CCDC30: variants seen among roughly 807,000 people sequenced by gnomAD.
CCDC30 encodes coiled-coil domain containing 30, also known as coiled-coil domain-containing protein 30.
CCDC30 carries 70 observed loss-of-function variants against 100.2 expected under a neutral mutation model. The observed-to-expected ratio is 0.70, with a 90% CI of 0.58 to 0.85. The LOEUF (loss-of-function observed/expected upper bound fraction) is 0.85. Among genes scored for constraint, CCDC30 ranks in the 40% least tolerant of loss-of-function variants. The pLI is 0.00. For synonymous variants in CCDC30, 233 were observed against 269.5 expected (o/e 0.86, Z 1.33); for missense variants, 652 against 771.2 (o/e 0.85, Z 1.83).
At chr1:42,589,534 C>A in intron 10 of CCDC30, 51 bp downstream of exon 14, 1 of 1,491,078 alleles carries the variant, frequency 6.7e-7, no homozygotes, top group Non-Finnish European at 9.3e-7. Flanking sequence ...CCATTAGTAA[C>A]AGCTAATTAT....
chr1:42,638,616 G>T (rs938092657), intron 12 of CCDC30, among the ~76,000 whole-genome samples: 2 of 151,406 alleles, frequency 1.3e-5, no homozygotes, highest in African/African-American at 2.4e-5. Flanking sequence ...GCTTGCGCCT[G>T]TAATCCCAGC....
At chr1:42,619,766 A>G (rs551946103) in intron 11 of CCDC30, among the ~76,000 whole-genome samples, 1 of 152,182 alleles carries the variant, frequency 6.6e-6, no homozygotes, top group African/African-American at 2.4e-5. Flanking sequence ...AGCCTGGCTG[A>G]ATTTATTCTC....
intron 11 of CCDC30, among the ~76,000 whole-genome samples, chr1:42,636,965 CAAAAAAAA>C (rs1166253995): frequency 3.1e-4 from 9 of 29,508 alleles, no homozygotes; most frequent in South Asian, 5.8e-3. Context: ...GACTCCATCT[CAAAAAAAA>C]AAAAAAAAAA....
At chr1:42,597,491 G>T (rs970134288) in intron 10 of CCDC30, among the ~76,000 whole-genome samples, 1 of 152,164 alleles carries the variant, frequency 6.6e-6, no homozygotes, top group African/African-American at 2.4e-5. Context: ...AACCATGAAA[G>T]CAAGAGAAGA....
At chr1:42,478,974 G>T (rs1388290365) in intron 1 of CCDC30, among the ~76,000 whole-genome samples, 5 of 152,124 alleles carry the variant, frequency 3.3e-5, no homozygotes, top group African/African-American at 1.2e-4. Flanking sequence ...TAAAGTTGAT[G>T]TGGACATGCA....
At chr1:42,607,517 G>C (rs896234961) in intron 10 of CCDC30, among the ~76,000 whole-genome samples, 1 of 147,342 alleles carries the variant, frequency 6.8e-6, no homozygotes, top group African/African-American at 2.5e-5. Context: ...CCAGGAGTTC[G>C]AGATCAGCCT....
Position 42,505,102 on chromosome 1 carries a change from G to A in CCDC30, c.456+6186G>A, listed in dbSNP as rs372970175. Among the ~76,000 whole-genome samples, 29 of 152,292 alleles carry A rather than the reference G, an allele frequency of 1.9e-4. No individual in the cohort carries two copies. The East Asian group carries it at 3.7e-3, about 19-fold the overall frequency. On this transcript the variant is annotated intron_variant, in intron 6 of 16. Transcript: ENST00000668663. ...CCACAAATAGTAGAGTGTGTGTAGC[G>A]ATTCCCACAAGGGTGGTGTAGTAGA...
chr1:42,544,982 T>C (rs1645093241), intron 6 of CCDC30, among the ~76,000 whole-genome samples: 1 of 151,862 alleles, frequency 6.6e-6, no homozygotes, highest in Admixed American at 6.6e-5. Context: ...AGCAATATAT[T>C]TTTGTTTTTA....
At chr1:42,528,852 C>T (rs1358687122) in intron 6 of CCDC30, among the ~76,000 whole-genome samples, 1 of 152,154 alleles carries the variant, frequency 6.6e-6, no homozygotes, top group Non-Finnish European at 1.5e-5. Flanking sequence ...CAAATGTTAT[C>T]TGTGACATTC....
At chr1:42,602,987 T>C (rs1031708334) in intron 10 of CCDC30, among the ~76,000 whole-genome samples, 12 of 152,376 alleles carry the variant, frequency 7.9e-5, no homozygotes, top group African/African-American at 2.6e-4. Flanking sequence ...AAATAAATTA[T>C]GTAACTCATC....
intron 6 of CCDC30, among the ~76,000 whole-genome samples, chr1:42,543,847 T>C (rs976788160): frequency 2.0e-5 from 3 of 152,210 alleles, no homozygotes; most frequent in Non-Finnish European, 4.4e-5. Flanking sequence ...CTTCAGAGAA[T>C]TGAAAAGGCA....
In CCDC30 at chr1:42,531,154, C is replaced by T. The variant is rs142109861; in HGVS notation, c.456+32238C>T. Among the ~76,000 whole-genome samples the T allele has an allele frequency of 5.3e-3, 798 of 151,992 alleles. 8 individuals carry two copies. The highest frequency in any genetic ancestry group is 0.018 in the African/African-American group (764 of 41,462). ...GTAATAGTGAGTGAGTGAGTTCTCA[C>T]GAGATCTGGTTGTTTAAAAGTGTGT... On this transcript the variant is annotated intron_variant, in intron 6 of 16. Coordinates refer to ENST00000668663, the Ensembl canonical transcript of CCDC30.
At chr1:42,457,353 G>A in the CCDC30 span, 29 of 1,611,302 alleles carry the variant, frequency 1.8e-5, 1 homozygote, top group South Asian at 3.2e-4. Context: ...CACTGCAGGT[G>A]ATGGGCGCTT....
At chr1:42,542,451 C>T (rs1297366377) in intron 6 of CCDC30, among the ~76,000 whole-genome samples, 1 of 152,034 alleles carries the variant, frequency 6.6e-6, no homozygotes, top group Non-Finnish European at 1.5e-5. Context: ...CCTCCCCCTC[C>T]TGGCCTCAGG....
chr1:42,546,911 T>C (rs1227525078), intron 6 of CCDC30, among the ~76,000 whole-genome samples: 1 of 152,208 alleles, frequency 6.6e-6, no homozygotes, highest in Non-Finnish European at 1.5e-5. Flanking sequence ...GAAACAATGA[T>C]GTCAATTTTG....
intron 6 of CCDC30, among the ~76,000 whole-genome samples, chr1:42,501,388 C>A (rs1208284525): frequency 6.6e-6 from 1 of 152,318 alleles, no homozygotes; most frequent in South Asian, 2.1e-4. Context: ...ATTCTTAGAA[C>A]AATTCCATTC....
intron 6 of CCDC30, among the ~76,000 whole-genome samples, chr1:42,502,458 C>T (rs948929428): frequency 3.9e-5 from 6 of 152,202 alleles, no homozygotes; most frequent in South Asian, 2.1e-4. Context: ...TGCTTCGGCT[C>T]GTGCTCCGTG....
At chr1:42,466,080 T>C (rs1452679363) in intron 1 of CCDC30, among the ~76,000 whole-genome samples, 1 of 152,266 alleles carries the variant, frequency 6.6e-6, no homozygotes, top group East Asian at 1.9e-4. Context: ...ATGTATTTTA[T>C]TTAAGATGTG....
intron 6 of CCDC30, among the ~76,000 whole-genome samples, chr1:42,565,813 G>A (rs1169078858): frequency 6.6e-6 from 1 of 152,042 alleles, no homozygotes; most frequent in Non-Finnish European, 1.5e-5. Context: ...GTGTGTTTAT[G>A]GGAGAAGAAT....
Sources: allele counts gnomAD v4.1 joint callset (sites outside exome capture counted in the v4.1 genomes callset), GRCh38; gene constraint gnomAD v4.1.1; transcripts MANE v1.5; gene names NCBI Gene and HGNC (gene_info 2026-07-23, HGNC 2026-07-21).